The following CDC42BPA variants were observed in gnomAD, a reference collection of about 807,000 sequenced individuals.
CDC42BPA encodes serine/threonine-protein kinase MRCK alpha.
Under a neutral mutation model 223.5 loss-of-function variants are expected in CDC42BPA, and 80 were observed. The ratio of observed to expected loss-of-function variants is 0.36; its 90% confidence interval spans 0.30 to 0.43. The LOEUF (loss-of-function observed/expected upper bound fraction) is 0.43, where lower values mean the gene tolerates loss of function less well. Among genes scored for constraint, CDC42BPA ranks in the 20% least tolerant of loss-of-function variants. The probability of loss-of-function intolerance (pLI) is 1.00; values close to 1 mark genes in which losing one functional copy is unlikely to be tolerated. For synonymous variants in CDC42BPA, 694 were observed against 718.6 expected, an observed-to-expected ratio of 0.97 and a Z score of 0.55; for missense variants, 1,743 against 2,099.9, an observed-to-expected ratio of 0.83 and a Z score of 3.32.
chr1:227,018,559 G>A (rs1290114086), intron 32 of CDC42BPA, among the ~76,000 whole-genome samples: 1 of 152,168 alleles, frequency 6.6e-6, no homozygotes, highest in Non-Finnish European at 1.5e-5. Context: ...TTGTCTTATA[G>A]ACACATAGTG....
chr1:227,175,769 A>C (rs1666848411), intron 5 of CDC42BPA, among the ~76,000 whole-genome samples: 1 of 152,150 alleles, frequency 6.6e-6, no homozygotes, highest in South Asian at 2.1e-4. Context: ...TTGGCATGAC[A>C]AGACATACAG....
chr1:227,019,007 G>GA (rs139465204), intron 32 of CDC42BPA, among the ~76,000 whole-genome samples: 2,556 of 152,218 alleles, frequency 0.017, 67 homozygotes, highest in African/African-American at 0.055. Context: ...TTCTTAAAGT[G>GA]AGACATCAAT....
chr1:227,105,569 G>C (rs1175969691), intron 14 of CDC42BPA, among the ~76,000 whole-genome samples: 7 of 151,822 alleles, frequency 4.6e-5, no homozygotes, highest in African/African-American at 1.5e-4. Flanking sequence ...GCCCAGGCTG[G>C]TTTTGAACTC....
intron 35 of CDC42BPA, among the ~76,000 whole-genome samples, chr1:226,999,014 A>G (rs1572149375): frequency 3.3e-5 from 5 of 152,322 alleles, no homozygotes; most frequent in Admixed American, 3.3e-4. Flanking sequence ...AAAAGAAGAC[A>G]TTTATGCGGC....
rs755357683 is a variant in CDC42BPA, at chr1:227,199,665, AAG to A, written c.355-15_355-14del. Reference sequence around the variant, plus strand: ...GAAAACATGCTGTCTGAAACACAAAAAGAAAATTTTTAGAGCATACTTTATGT... The same window carrying A: ...GAAAACATGCTGTCTGAAACACAAAAAAAATTTTTAGAGCATACTTTATGT... On this transcript the variant is annotated splice_polypyrimidine_tract_variant and intron_variant, in intron 3 of 36. Transcript: ENST00000366766. The A allele has an allele frequency of 6.9e-7, 1 of 1,441,222 alleles. No individual in the cohort carries two copies. The highest frequency in any genetic ancestry group is 1.2e-5 in the South Asian group (1 of 84,606). 89.3% of individuals were successfully genotyped at this position (1,441,222 alleles called of 1,614,324 possible). A position where few individuals can be genotyped will look rare whatever the true frequency, so the allele number is the denominator to read the frequency against.
At position 227,016,910 on chromosome 1, in the gene CDC42BPA, A is replaced by G. The variant is rs1457025229; in HGVS notation, c.4739+17T>C. ...GGTACAAGCAAGCATGGATGATACT[A>G]CAGGTTAAGTATCTACCTCCTCTGC... On this transcript the variant is annotated intron_variant, in intron 33 of 36. Coordinates refer to ENST00000366766, the MANE Select transcript of CDC42BPA (RefSeq NM_001394014.1). The G allele has an allele frequency of 2.5e-6, 4 of 1,605,290 alleles. No homozygotes were observed. Among genetic ancestry groups the G allele is most frequent in the Admixed American group, 1.7e-5 (1 of 58,734 alleles).
chr1:227,055,861 C>T (rs991627851), intron 21 of CDC42BPA, among the ~76,000 whole-genome samples: 3 of 150,730 alleles, frequency 2.0e-5, no homozygotes, highest in Non-Finnish European at 3.0e-5. Flanking sequence ...GAAACATCTA[C>T]TATATTTCAG....
Position 226,994,162 on chromosome 1 carries a change from C to T in CDC42BPA, c.*106G>A. Reference sequence around the variant, plus strand: ...TCCCTGTCCTGCTACTGCTGCCAGCCCCTGGTGGCTTTCAGGCCGAGCAGG... The same window carrying T: ...TCCCTGTCCTGCTACTGCTGCCAGCTCCTGGTGGCTTTCAGGCCGAGCAGG... On this transcript the variant is annotated 3_prime_UTR_variant, in exon 37 of 37. Transcript: ENST00000366766. The surrounding 1 kb of genome is among the most constrained non-coding windows in gnomAD (Gnocchi z 4.0). 1 of 1,100,900 alleles carries T rather than the reference C, an allele frequency of 9.1e-7. No individual in the cohort carries two copies. Among genetic ancestry groups the T allele is most frequent in the South Asian group, 1.5e-5 (1 of 65,708 alleles). The allele number at this position is 1,100,900 out of a possible 1,614,324, so 68.2% of individuals were successfully genotyped here. A position where few individuals can be genotyped will look rare whatever the true frequency, so the allele number is the denominator to read the frequency against.
intron 2 of CDC42BPA, among the ~76,000 whole-genome samples, chr1:227,218,120 T>C (rs1242792422): frequency 6.6e-6 from 1 of 152,182 alleles, no homozygotes; most frequent in Non-Finnish European, 1.5e-5. Context: ...TGTATATACA[T>C]GCAAAGTTTA....
chr1:227,013,771 T>C (rs1311027457), intron 34 of CDC42BPA, among the ~76,000 whole-genome samples: 1 of 152,138 alleles, frequency 6.6e-6, no homozygotes, highest in Non-Finnish European at 1.5e-5. Flanking sequence ...TAAAACCTTG[T>C]AACTACTGAA....
chr1:227,146,561 T>G (rs1285638666), intron 7 of CDC42BPA, among the ~76,000 whole-genome samples: 5 of 152,138 alleles, frequency 3.3e-5, no homozygotes, highest in Non-Finnish European at 1.5e-5. Flanking sequence ...ATATTCATAT[T>G]CTAAGTATTT....
intron 23 of CDC42BPA, among the ~76,000 whole-genome samples, chr1:227,045,087 C>T (rs1285034820): frequency 1.3e-5 from 2 of 152,180 alleles, no homozygotes; most frequent in South Asian, 2.1e-4. Context: ...GGTCTGTGTA[C>T]AATTCCTTCT....
At chr1:227,188,858 AGGTG>A in intron 5 of CDC42BPA, among the ~76,000 whole-genome samples, 1 of 152,172 alleles carries the variant, frequency 6.6e-6, no homozygotes, top group Admixed American at 6.5e-5. Context: ...CTATGGACTT[AGGTG>A]ATAATGAAGG....
At chr1:227,155,610 G>A (rs920560385) in intron 6 of CDC42BPA, among the ~76,000 whole-genome samples, 2 of 152,146 alleles carry the variant, frequency 1.3e-5, no homozygotes, top group African/African-American at 2.4e-5. Context: ...AAAAGGAACT[G>A]CTAAATTCCT....
chr1:227,302,013 A>G (rs1351391347), intron 1 of CDC42BPA, among the ~76,000 whole-genome samples: 3 of 152,208 alleles, frequency 2.0e-5, no homozygotes, highest in African/African-American at 4.8e-5. Context: ...ATGTTCATCC[A>G]TATCAGATAC....
chr1:227,120,316 T>C (rs1688445571), intron 11 of CDC42BPA, among the ~76,000 whole-genome samples: 1 of 152,218 alleles, frequency 6.6e-6, no homozygotes, highest in Non-Finnish European at 1.5e-5. Flanking sequence ...GTTAGTCAAA[T>C]TACCGTGTAA....
At chr1:227,126,638 T>C (rs898919811) in intron 11 of CDC42BPA, among the ~76,000 whole-genome samples, 2 of 152,196 alleles carry the variant, frequency 1.3e-5, no homozygotes, top group South Asian at 4.1e-4. Flanking sequence ...ATAAAAATAA[T>C]TGTACACCAT....
At chr1:227,091,260 T>C (rs751967938) in intron 16 of CDC42BPA, among the ~76,000 whole-genome samples, 1 of 152,194 alleles carries the variant, frequency 6.6e-6, no homozygotes, top group African/African-American at 2.4e-5. Context: ...TCAATGTCTG[T>C]CTCCTTCGAA....
intron 34 of CDC42BPA, among the ~76,000 whole-genome samples, chr1:227,010,671 T>C (rs1664996608): frequency 6.6e-6 from 1 of 152,036 alleles, no homozygotes; most frequent in Non-Finnish European, 1.5e-5. Context: ...TCCATCTTCT[T>C]CCTCAAAAGA....
Sources: gnomAD v4.1 joint callset for allele counts (sites outside exome capture counted in the v4.1 genomes callset) on GRCh38, gnomAD v4.1.1 for gene constraint, Gnocchi (gnomAD v3.1) non-coding constraint, MANE v1.5 for transcripts, NCBI Gene and HGNC (gene_info 2026-07-23, HGNC 2026-07-21) for gene names.